Variants in ZSWIM8 observed in about 807,000 individuals in gnomAD.
ZSWIM8 encodes the protein zinc finger SWIM domain-containing protein 8.
Under a neutral mutation model 173.7 loss-of-function variants are expected in ZSWIM8, and 27 were observed. The ratio of observed to expected loss-of-function variants is 0.16; its 90% CI spans 0.11 to 0.21. ZSWIM8 has a LOEUF of 0.21. Among genes scored for constraint, ZSWIM8 ranks in the 10% least tolerant of loss-of-function variants. The pLI is 1.00. For synonymous variants in ZSWIM8, 958 were observed against 962.0 expected (o/e 1.00, Z 0.08); for missense variants, 1,627 against 2,428.8 (o/e 0.67, Z 6.94).
In ZSWIM8 at chr10:73,791,479, C is replaced by T. The variant is rs764365889; in HGVS notation, c.1299C>T (p.Asp433=). Residue 433 remains aspartate, a synonymous_variant, in exon 9 of 26, where the codon GAC becomes GAT. Transcript: ENST00000604729. The surrounding 1 kb of genome is among the most constrained non-coding windows in gnomAD (Gnocchi z 6.0). ...CACTGTGGAGGCTGGCCGTGCTGGACCCTGCACTCAGCCCCCAGCGGTGAG... is the reference window on the plus strand; with the variant it reads ...CACTGTGGAGGCTGGCCGTGCTGGATCCTGCACTCAGCCCCCAGCGGTGAG... ...MVTLWRLAVL[D]PALSPQRRRE... is the part of the protein sequence containing the mutation. The T allele has an allele frequency of 1.2e-6, 2 of 1,605,772 alleles. No individual in the cohort carries two copies. The highest frequency in any genetic ancestry group is 1.7e-6 in the Non-Finnish European group (2 of 1,173,938).
intron 21 of ZSWIM8, 132 bp from the exon 22 acceptor site, chr10:73,799,879 C>T: frequency 5.4e-6 from 5 of 929,158 alleles, no homozygotes; most frequent in Non-Finnish European, 8.0e-6. Context: ...TGCCACTGCA[C>T]TCCAGCCTGG....
rs2083200241 is a variant in ZSWIM8, at chr10:73,785,874, G to A, written c.-5G>A. ...GGGGACCCGGCCCCGGGGGGTGCGG[G>A]CCCCATGGAGCTGATGTTTGCAGAG... On this transcript the variant is annotated 5_prime_UTR_variant, in exon 1 of 26. Transcript: ENST00000604729. 2 of 1,508,122 alleles carry A rather than the reference G, an allele frequency of 1.3e-6. No individual in the cohort carries two copies. Among genetic ancestry groups the A allele is most frequent in the East Asian group, 5.6e-5 (2 of 35,696 alleles). 93.4% of individuals were successfully genotyped at this position (1,508,122 alleles called of 1,614,324 possible). A position where few individuals can be genotyped will look rare whatever the true frequency, so the allele number is the denominator to read the frequency against.
intron 21 of ZSWIM8, 42 bp downstream of exon 21, chr10:73,799,532 A>G: frequency 1.9e-6 from 3 of 1,578,546 alleles, no homozygotes; most frequent in African/African-American, 2.7e-5. Context: ...ATGGGAAAAT[A>G]CTGGGAATTC....
rs1279077291 is a variant in ZSWIM8, at chr10:73,799,449, C to G, written c.4624C>G (p.Arg1542Gly). Reference sequence around the variant, plus strand: ...TGCCCACCCCATGCCTCACATGCCCCGGCCTGCCGTCTTCCCTGTGCCCAG... The same window carrying G: ...TGCCCACCCCATGCCTCACATGCCCGGGCCTGCCGTCTTCCCTGTGCCCAG... ...HPAHPMPHMP[R>G]PAVFPVPSSA... Residue 1542 changes from arginine to glycine, a missense_variant, in exon 21 of 26, where the codon CGG becomes GGG. Coordinates refer to ENST00000604729, the MANE Select transcript of ZSWIM8 (RefSeq NM_001367799.1). The G allele has an allele frequency of 6.2e-7, 1 of 1,602,426 alleles. No individual in the cohort carries two copies. Among genetic ancestry groups the G allele is most frequent in the Non-Finnish European group, 8.5e-7 (1 of 1,174,568 alleles).
rs1416523312 is a variant in ZSWIM8, at chr10:73,792,790, G to A, written c.2251G>A (p.Ala751Thr). ...GGEEEKAEGG[A>T]GEEHDLFAGL... The stretch of plus-strand genomic sequence containing the variant: ...CGAGGAAGAGAAGGCCGAGGGCGGG[G>A]CTGGGGAGGAGCACGACCTGTTTGC... Residue 751 changes from alanine (A) to threonine (T), a missense_variant, in exon 10 of 26, where the codon GCT becomes ACT. Ala to Thr is a moderately conservative substitution (Grantham distance 58, BLOSUM62 0). Transcript: ENST00000604729. The surrounding 1 kb of genome is among the most constrained non-coding windows in gnomAD (Gnocchi z 4.3). 6.2e-7 allele frequency: 1 copy of A among 1,606,624 alleles called. No individual in the cohort carries two copies. The highest frequency in any genetic ancestry group is 1.1e-5 in the South Asian group (1 of 90,810).
At chr10:73,787,953 G>T (rs564271949) in intron 1 of ZSWIM8, among the ~76,000 whole-genome samples, 1 of 152,290 alleles carries the variant, frequency 6.6e-6, no homozygotes, top group African/African-American at 2.4e-5. Flanking sequence ...AATGTGACTA[G>T]CAATTTTGTG....
At position 73,795,683 on chromosome 10, in the gene ZSWIM8, T is replaced by G. The variant is rs1157345037; in HGVS notation, c.3033+20T>G. The G allele has an allele frequency of 3.7e-6, 6 of 1,606,638 alleles. No individual in the cohort carries two copies. Among genetic ancestry groups the G allele is most frequent in the Non-Finnish European group, 5.1e-6 (6 of 1,178,542 alleles). On this transcript the variant is annotated intron_variant, in intron 15 of 25. Transcript: ENST00000604729. Reference sequence around the variant, plus strand: ...AAGAAGGTAAGAGACTGGGGCTGGGTGCGGTGGCTCATGCCTGTAATCCCA... The same window carrying G: ...AAGAAGGTAAGAGACTGGGGCTGGGGGCGGTGGCTCATGCCTGTAATCCCA...
Position 73,791,287 on chromosome 10 carries a change from GCT to G in ZSWIM8, c.1144-33_1144-32del, listed in dbSNP as rs761660759. 1.9e-6 allele frequency: 3 copies of G among 1,584,344 alleles called. No individual in the cohort carries two copies. The highest frequency in any genetic ancestry group is 2.6e-6 in the Non-Finnish European group (3 of 1,158,788). ...GGAGGGCTACTCTGCCTTTCTCTGA[GCT>G]CTCAGGTGCAGCTCACAGCCTTCTT... On this transcript the variant is annotated intron_variant, in intron 8 of 25. Transcript: ENST00000604729. The surrounding 1 kb of genome is among the most constrained non-coding windows in gnomAD (Gnocchi z 6.0).
chr10:73,799,984 C>T (rs1187555854), intron 21 of ZSWIM8, 27 bp from the exon 22 acceptor site: 2 of 1,606,496 alleles, frequency 1.2e-6, no homozygotes, highest in Non-Finnish European at 1.7e-6. Flanking sequence ...AGTTTGGCAT[C>T]TTCCCCTTTC....
In ZSWIM8 at chr10:73,792,936, A is replaced by T; in HGVS notation, c.2313+84A>T. On this transcript the variant is annotated intron_variant, in intron 10 of 25. Coordinates refer to ENST00000604729, the MANE Select transcript of ZSWIM8 (RefSeq NM_001367799.1). The surrounding 1 kb of genome is among the most constrained non-coding windows in gnomAD (Gnocchi z 4.3). ...TCTAGCTCTAGTTGGGAGTGTCAGG[A>T]CCATCAGCAGGATTGTGAGAACCCT... The T allele has an allele frequency of 6.8e-7, 1 of 1,462,860 alleles. No homozygotes were observed. Among genetic ancestry groups the T allele is most frequent in the Non-Finnish European group, 9.1e-7 (1 of 1,102,292 alleles). 90.6% of individuals were successfully genotyped at this position (1,462,860 alleles called of 1,614,324 possible).
intron 15 of ZSWIM8, 137 bp downstream of exon 15, chr10:73,795,800 A>C: frequency 2.1e-6 from 2 of 967,778 alleles, no homozygotes; most frequent in Non-Finnish European, 2.9e-6. Flanking sequence ...TCTACCAAAA[A>C]ATACAAAAAA....
At chr10:73,787,318 C>G (rs1421332548) in intron 1 of ZSWIM8, among the ~76,000 whole-genome samples, 1 of 152,186 alleles carries the variant, frequency 6.6e-6, no homozygotes, top group Non-Finnish European at 1.5e-5. Context: ...CCTGTGTACA[C>G]ACACACAAAC....
Position 73,798,435 on chromosome 10 carries a change from G to A in ZSWIM8, c.4158G>A (p.Leu1386=), listed in dbSNP as rs564742135. Residue 1386 remains leucine, a synonymous_variant, in exon 20 of 26, where the codon CTG becomes CTA. Coordinates refer to ENST00000604729, the MANE Select transcript of ZSWIM8 (RefSeq NM_001367799.1). ...ALNPNEIQRA[L]VQCKEQDNLM... ...ACCCTAATGAGATCCAGCGGGCCCT[G>A]GTGCAGTGCAAGGAACAGGTATTTC... 1.9e-6 allele frequency: 3 copies of A among 1,613,898 alleles called. No homozygotes were observed. Among genetic ancestry groups the A allele is most frequent in the East Asian group, 2.2e-5 (1 of 44,880 alleles).
rs748441298 is a variant in ZSWIM8, at chr10:73,799,458, G to A, written c.4633G>A (p.Val1545Ile). 1.1e-5 allele frequency: 18 copies of A among 1,599,618 alleles called. No individual in the cohort carries two copies. Among genetic ancestry groups the A allele is most frequent in the African/African-American group, 2.7e-5 (2 of 74,562 alleles). The change falls in exon 21 of 26, where the codon GTC (valine) becomes ATC (isoleucine). Residue 1545 changes from valine to isoleucine, a missense_variant. Physicochemically the swap from Val to Ile is conservative, Grantham distance 29 (BLOSUM62 3). Coordinates refer to ENST00000604729, the MANE Select transcript of ZSWIM8 (RefSeq NM_001367799.1). Reference sequence around the variant, plus strand: ...CATGCCTCACATGCCCCGGCCTGCCGTCTTCCCTGTGCCCAGCTCTGCATA... The same window carrying A: ...CATGCCTCACATGCCCCGGCCTGCCATCTTCCCTGTGCCCAGCTCTGCATA... ...HPMPHMPRPAVFPVPSSAYPQ... is the reference protein window; with the variant it reads ...HPMPHMPRPAIFPVPSSAYPQ...
chr10:73,797,235 TG>T lies in ZSWIM8; in HGVS notation c.3402del (p.Ser1135ProfsTer30). 6.2e-7 allele frequency: 1 copy of T among 1,613,942 alleles called. No individual in the cohort carries two copies. Among genetic ancestry groups the T allele is most frequent in the Non-Finnish European group, 8.5e-7 (1 of 1,179,846 alleles). ...TCGTGGAGGCTATAATGGACGGGGA[TG>T]GGGGTCCCCAGGACGGCCTAAGAAG... ...GSRGGYNGRG[W>X]GSPGRPKKKH... On this transcript the variant is annotated frameshift_variant, in exon 17 of 26. Transcript: ENST00000604729. LOFTEE classifies it high-confidence loss of function. The surrounding 1 kb of genome is among the most constrained non-coding windows in gnomAD (Gnocchi z 5.6).
In ZSWIM8 at chr10:73,791,535, C is replaced by T. The variant is rs1462000877; in HGVS notation, c.1319+36C>T. On this transcript the variant is annotated intron_variant, in intron 9 of 25. Coordinates refer to ENST00000604729, the MANE Select transcript of ZSWIM8 (RefSeq NM_001367799.1). This position sits in a 1 kb window ranked among gnomAD's most constrained non-coding sequence, Gnocchi z 6.0. The stretch of plus-strand genomic sequence containing the variant: ...CCTGAGGCTCACCACAGAACTGAGC[C>T]TGGGCCAGCTCAGGACAGACTGAGC... 54 of 1,550,874 alleles carry T rather than the reference C, an allele frequency of 3.5e-5. No homozygotes were observed. The highest frequency in any genetic ancestry group is 4.7e-5 in the Non-Finnish European group (54 of 1,142,238).
At chr10:73,794,694 A>C (rs2083548360) in intron 14 of ZSWIM8, 55 bp downstream of exon 14, 1 of 1,455,152 alleles carries the variant, frequency 6.9e-7, no homozygotes, top group African/African-American at 1.4e-5. Context: ...GAAGGACATG[A>C]GACCTGTGCC....
At chr10:73,799,853 C>T (rs912656946) in intron 21 of ZSWIM8, 158 bp from the exon 22 acceptor site, 1 of 717,992 alleles carries the variant, frequency 1.4e-6, no homozygotes, top group Non-Finnish European at 2.3e-6. Context: ...GCAGAGGTTG[C>T]AGTGAGCCGA....
chr10:73,786,321 TGTGTGG>T, intron 1 of ZSWIM8: 3 of 467,366 alleles, frequency 6.4e-6, no homozygotes, highest in South Asian at 4.3e-5. Flanking sequence ...CACCTGTGTG[TGTGTGG>T]GTGTGTGTGT....
Sources: allele counts gnomAD v4.1 joint callset (sites outside exome capture counted in the v4.1 genomes callset), GRCh38; gene constraint gnomAD v4.1.1; non-coding constraint Gnocchi (gnomAD v3.1); transcripts MANE v1.5; gene names NCBI Gene and HGNC (gene_info 2026-07-23, HGNC 2026-07-21).